The following COX7A1 variants were observed in gnomAD, a reference collection of about 807,000 sequenced individuals.
COX7A1 encodes the protein cytochrome c oxidase subunit 7A1, mitochondrial.
A neutral mutation model predicts 13.2 loss-of-function variants in COX7A1; 21 were observed. That is an observed-to-expected ratio of 1.59 (90% CI 1.13 to 2.29). The LOEUF (loss-of-function observed/expected upper bound fraction) is 2.29. Ranked by LOEUF, COX7A1 falls within the 30% of genes most tolerant of loss-of-function variation. COX7A1 has a pLI of 0.00. For synonymous variants in COX7A1, 41 were observed against 41.9 expected (o/e 0.98, Z 0.08); for missense variants, 107 against 100.0 (o/e 1.07, Z -0.30).
chr19:36,151,567 T>C, intron 2 of COX7A1, 21 bp from the exon 3 acceptor site: 1 of 1,613,492 alleles, frequency 6.2e-7, no homozygotes, highest in Non-Finnish European at 8.5e-7. Flanking sequence ...GGGTGTCTGA[T>C]GAGAAAGGGG....
At chr19:36,151,645 T>TGGCCCCCCCCCCCC in intron 2 of COX7A1, 24 bp downstream of exon 2, 7 of 1,387,594 alleles carry the variant, frequency 5.0e-6, no homozygotes, top group Non-Finnish European at 6.9e-6. Context: ...GCGCGTCGGA[T>TGGCCCCCCCCCCCC]CCCCACCCCC....
At chr19:36,151,860 G>A (rs1200413425) in intron 1 of COX7A1, 105 bp from the exon 2 acceptor site, 4 of 1,035,546 alleles carry the variant, frequency 3.9e-6, no homozygotes, top group Non-Finnish European at 3.0e-6. Flanking sequence ...CATCCCTAGC[G>A]AGCGTCCCAA....
At chr19:36,151,624 G>T in intron 2 of COX7A1, 45 bp downstream of exon 2, 3 of 1,608,394 alleles carry the variant, frequency 1.9e-6, no homozygotes, top group Non-Finnish European at 1.7e-6. Context: ...GGCTCGGCGC[G>T]CTCCCGGCTG....
In COX7A1 at chr19:36,151,666, C is replaced by CCCCCCCCCGGAG; in HGVS notation, c.102+2_102+3insCTCCGGGGGGGG. 2 of 1,584,890 alleles carry CCCCCCCCCGGAG rather than the reference C, an allele frequency of 1.3e-6. No homozygotes were observed. The highest frequency in any genetic ancestry group is 1.7e-6 in the Non-Finnish European group (2 of 1,162,704). ...CGGATCCCCACCCCCCCCGACCCCC[C>CCCCCCCCCGGAG]ACCTGGAAGAGCTTCTGTTTCTCGC... On this transcript the variant is annotated splice_region_variant and intron_variant, in intron 2 of 3. Transcript: ENST00000292907.
In COX7A1 at chr19:36,151,030, A is replaced by G. The variant is rs1803370; in HGVS notation, c.192T>C (p.Thr64=). The part of the protein sequence containing the change: ...RVTMTLCLGG[T]VYSLYSLGWA... ...AGCCAAGGGAGTACAAGCTGTAGAC[A>G]GTGCCTAGAAAGGGGAAGCGTTGGA... The change falls in exon 4 of 4, where the codon ACT becomes ACC. Residue 64 remains threonine, a synonymous_variant. Coordinates refer to ENST00000292907, the MANE Select transcript of COX7A1 (RefSeq NM_001864.4). 8.2e-4 allele frequency: 1,327 copies of G among 1,613,742 alleles called. 8 individuals carry two copies. In the Middle Eastern group the frequency reaches 0.013, roughly 16 times the overall value.
chr19:36,151,881 G>C (rs1332888440), intron 1 of COX7A1, 126 bp from the exon 2 acceptor site: 5 of 880,144 alleles, frequency 5.7e-6, no homozygotes, highest in Non-Finnish European at 9.3e-6. Context: ...AGGCGAGGAG[G>C]GTAATAGCTT....
At chr19:36,151,115 C>T in intron 3 of COX7A1, 81 bp from the exon 4 acceptor site, 9 of 1,429,370 alleles carry the variant, frequency 6.3e-6, no homozygotes, top group Non-Finnish European at 8.6e-6. Flanking sequence ...CTTCAGGCTC[C>T]CTGGTTCCCA....
At chr19:36,152,329 G>A in intron 1 of COX7A1, 64 bp downstream of exon 1, 2 of 1,235,484 alleles carry the variant, frequency 1.6e-6, no homozygotes, top group East Asian at 3.1e-5. Flanking sequence ...GGCACTTGGA[G>A]AGTCGCGTAT....
intron 2 of COX7A1, 24 bp downstream of exon 2, chr19:36,151,645 T>TGCCCCCGCGCCC: frequency 7.2e-7 from 1 of 1,387,632 alleles, no homozygotes; most frequent in Non-Finnish European, 9.9e-7. Flanking sequence ...GCGCGTCGGA[T>TGCCCCCGCGCCC]CCCCACCCCC....
At chr19:36,151,351 TA>T in intron 3 of COX7A1, 110 bp downstream of exon 3, 1 of 1,223,908 alleles carries the variant, frequency 8.2e-7, no homozygotes, top group Non-Finnish European at 1.2e-6. Context: ...ACCCCCTTCC[TA>T]AACGCCAACC....
intron 1 of COX7A1, 24 bp downstream of exon 1, chr19:36,152,369 C>T (rs904854866): frequency 6.0e-6 from 8 of 1,331,110 alleles, no homozygotes; most frequent in Non-Finnish European, 7.8e-6. Flanking sequence ...TGGGGGGCTC[C>T]GGCCCAGCCC....
chr19:36,152,147 G>A, intron 1 of COX7A1: 1 of 577,716 alleles, frequency 1.7e-6, no homozygotes, highest in East Asian at 3.0e-5. Context: ...AGGCCCGGGT[G>A]AGGCCAGTGT....
intron 1 of COX7A1, 36 bp downstream of exon 1, chr19:36,152,357 G>C: frequency 7.6e-7 from 1 of 1,323,376 alleles, no homozygotes; most frequent in Non-Finnish European, 9.7e-7. Flanking sequence ...GGGTTTTCTG[G>C]GTGGGGGGCT....
Position 36,151,714 on chromosome 19 carries a change from C to G in COX7A1, c.57G>C (p.Arg19=), listed in dbSNP as rs781713923. The change falls in exon 2 of 4, where the codon CGG becomes CGC. Residue 19 remains arginine, a synonymous_variant. Coordinates refer to ENST00000292907, the MANE Select transcript of COX7A1 (RefSeq NM_001864.4). ...ALIRSFSSTA[R]NRFQNRVREK... is the part of the protein sequence containing the mutation. ...CGCGCACTCGGTTCTGAAAGCGGTT[C>G]CGGGCGGTGGAGCTGAAGGAGCGGA... 7.0e-7 allele frequency: 1 copy of G among 1,419,936 alleles called. No homozygotes were observed. Among genetic ancestry groups the G allele is most frequent in the South Asian group, 1.1e-5 (1 of 88,002 alleles). The allele number at this position is 1,419,936 out of a possible 1,614,324, so 88.0% of individuals were successfully genotyped here. A position where few individuals can be genotyped will look rare whatever the true frequency, so the allele number is the denominator to read the frequency against.
Position 36,152,398 on chromosome 19 carries a change from G to T in COX7A1, c.10C>A (p.Leu4Ile), listed in dbSNP as rs3209257. Reference protein sequence around the residue: MQALRVSQALIRSF... With the variant: MQAIRVSQALIRSF... Reference sequence around the variant, plus strand: ...CCAGCCCATGGGGGCCTCACCCGAAGGGCCTGCATTCTGCCTTGTCCTCTT... The same window carrying T: ...CCAGCCCATGGGGGCCTCACCCGAATGGCCTGCATTCTGCCTTGTCCTCTT... The change falls in exon 1 of 4, where the codon CTT becomes ATT. Residue 4 changes from leucine to isoleucine, a missense_variant. Leu to Ile is a conservative substitution (Grantham distance 5, BLOSUM62 2). Coordinates refer to ENST00000292907, the MANE Select transcript of COX7A1 (RefSeq NM_001864.4). The T allele has an allele frequency of 1.0e-4, 140 of 1,368,314 alleles. No individual in the cohort carries two copies. The highest frequency in any genetic ancestry group is 1.3e-4 in the Non-Finnish European group (135 of 1,049,794). The allele number at this position is 1,368,314 out of a possible 1,614,324, so 84.8% of individuals were successfully genotyped here. A position where few individuals can be genotyped will look rare whatever the true frequency, so the allele number is the denominator to read the frequency against.
At chr19:36,151,886 T>C in intron 1 of COX7A1, 131 bp from the exon 2 acceptor site, 1 of 848,562 alleles carries the variant, frequency 1.2e-6, no homozygotes, top group Non-Finnish European at 2.0e-6. Flanking sequence ...AGGAGGGTAA[T>C]AGCTTGGATT....
intron 3 of COX7A1, 59 bp from the exon 4 acceptor site, chr19:36,151,093 G>A: frequency 2.0e-6 from 3 of 1,535,886 alleles, no homozygotes; most frequent in Non-Finnish European, 2.7e-6. Flanking sequence ...GGACATCCCA[G>A]GCTTTTAAGG....
chr19:36,152,089 C>T (rs1307689395), intron 1 of COX7A1: 1 of 593,750 alleles, frequency 1.7e-6, no homozygotes, highest in East Asian at 2.9e-5. Flanking sequence ...GTCCCGGGAA[C>T]GTGGGGACCG....
chr19:36,150,936 T>G lies in COX7A1; in HGVS notation c.*46A>C, dbSNP rs1436430464. On this transcript the variant is annotated 3_prime_UTR_variant, in exon 4 of 4. Coordinates refer to ENST00000292907, the MANE Select transcript of COX7A1 (RefSeq NM_001864.4). The stretch of plus-strand genomic sequence containing the variant: ...ACAGACACACACAGAGGCCAGCGTT[T>G]ATTGACACTTGTTCAAGTCTCTCAG... 1 of 1,586,304 alleles carries G rather than the reference T, an allele frequency of 6.3e-7. No individual in the cohort carries two copies. The highest frequency in any genetic ancestry group is 8.7e-7 in the Non-Finnish European group (1 of 1,154,938).
Sources: gnomAD v4.1 joint callset for allele counts on GRCh38, gnomAD v4.1.1 for gene constraint, MANE v1.5 for transcripts, NCBI Gene and HGNC (gene_info 2026-07-23, HGNC 2026-07-21) for gene names.